Variants in KCNH1 observed in about 807,000 individuals in gnomAD.
KCNH1 encodes potassium voltage-gated channel subfamily H member 1.
KCNH1 carries 27 observed loss-of-function variants against 69.2 expected under a neutral mutation model. That is an observed-to-expected ratio of 0.39 (90% CI 0.29 to 0.54). KCNH1 has a LOEUF of 0.54. Ranked by LOEUF, KCNH1 falls within the 20% of genes least tolerant of loss-of-function variation. KCNH1 has a pLI of 0.68. For missense variants in KCNH1, 798 were observed against 1,261.6 expected, an observed-to-expected ratio of 0.63 and a Z score of 5.57; for synonymous variants, 456 against 487.7, an observed-to-expected ratio of 0.93 and a Z score of 0.86.
intron 5 of KCNH1, among the ~76,000 whole-genome samples, chr1:211,025,439 T>C (rs1382577982): frequency 6.6e-6 from 1 of 152,178 alleles, no homozygotes; most frequent in Non-Finnish European, 1.5e-5. Flanking sequence ...GCTTGAGATT[T>C]TAATTTCTCT....
At chr1:210,886,349 A>C (rs368865866) in intron 7 of KCNH1, among the ~76,000 whole-genome samples, 2 of 152,178 alleles carry the variant, frequency 1.3e-5, no homozygotes, top group South Asian at 4.1e-4. Context: ...AATGGCAACA[A>C]CACCAACAAA....
At chr1:211,101,305 C>A (rs1413393596) in intron 3 of KCNH1, among the ~76,000 whole-genome samples, 1 of 139,354 alleles carries the variant, frequency 7.2e-6, no homozygotes, top group Admixed American at 7.0e-5. Context: ...ATTGGAAAGA[C>A]AAAAAAACCA....
intron 6 of KCNH1, among the ~76,000 whole-genome samples, chr1:210,934,791 T>C (rs1460768512): frequency 1.3e-5 from 2 of 151,668 alleles, no homozygotes; most frequent in East Asian, 3.9e-4. Flanking sequence ...TAACAATTGC[T>C]AGTGAGGATG....
At chr1:210,828,664 G>A (rs1199044673) in intron 7 of KCNH1, among the ~76,000 whole-genome samples, 3 of 152,204 alleles carry the variant, frequency 2.0e-5, no homozygotes, top group Non-Finnish European at 4.4e-5. Context: ...TACCTGCCAT[G>A]TAGTAGGCAC....
chr1:211,118,690 A>G (rs1478466039), intron 1 of KCNH1, among the ~76,000 whole-genome samples: 2 of 152,226 alleles, frequency 1.3e-5, no homozygotes, highest in Non-Finnish European at 2.9e-5. Flanking sequence ...GCCAAACTAC[A>G]CTGCAGTAGT....
At chr1:210,818,444 T>G (rs1282681243) in intron 7 of KCNH1, among the ~76,000 whole-genome samples, 1 of 152,178 alleles carries the variant, frequency 6.6e-6, no homozygotes, top group Admixed American at 6.5e-5. Flanking sequence ...ATCAGAGCTT[T>G]GCAGTCACGC....
intron 5 of KCNH1, among the ~76,000 whole-genome samples, chr1:211,056,709 T>C (rs1690316268): frequency 6.6e-6 from 1 of 152,110 alleles, no homozygotes; most frequent in Non-Finnish European, 1.5e-5. Context: ...GACACTCCAT[T>C]GGTTTGGGAG....
At chr1:210,825,847 A>G (rs1311621095) in intron 7 of KCNH1, among the ~76,000 whole-genome samples, 1 of 152,218 alleles carries the variant, frequency 6.6e-6, no homozygotes, top group Non-Finnish European at 1.5e-5. Context: ...GGCATTTATT[A>G]TGAGGAACTG....
chr1:210,857,030 A>T (rs1193221608), intron 7 of KCNH1, among the ~76,000 whole-genome samples: 1 of 151,258 alleles, frequency 6.6e-6, no homozygotes, highest in Non-Finnish European at 1.5e-5. Context: ...TCTAGCTTAG[A>T]GCCTTTCTGG....
At chr1:210,768,977 T>A (rs565081517) in intron 10 of KCNH1, among the ~76,000 whole-genome samples, 2 of 152,280 alleles carry the variant, frequency 1.3e-5, no homozygotes, top group African/African-American at 4.8e-5. Context: ...AGAATTATGG[T>A]CATGTCACTC....
In KCNH1 at chr1:210,952,046, C is replaced by T. The variant is rs78439377; in HGVS notation, c.1033-31977G>A. On this transcript the variant is annotated intron_variant, in intron 6 of 10. Transcript: ENST00000271751. ...CAGTCCTCCAAGTGCCCACATCTTC[C>T]TGTGTGACATTTCTTCAGTCACCCA... Among the ~76,000 whole-genome samples, 1,230 of 152,250 alleles carry T rather than the reference C, an allele frequency of 8.1e-3. 19 individuals carry two copies. Among genetic ancestry groups the T allele is most frequent in the African/African-American group, 0.028 (1,145 of 41,524 alleles).
At chr1:210,960,860 T>C (rs1688279329) in intron 6 of KCNH1, among the ~76,000 whole-genome samples, 1 of 152,220 alleles carries the variant, frequency 6.6e-6, no homozygotes, top group Admixed American at 6.5e-5. Context: ...CTATTTTATG[T>C]TCCTACCAGA....
At chr1:210,800,276 T>C (rs1684402850) in intron 8 of KCNH1, among the ~76,000 whole-genome samples, 1 of 152,222 alleles carries the variant, frequency 6.6e-6, no homozygotes, top group African/African-American at 2.4e-5. Context: ...ACAAGACTCC[T>C]GCAGAAATGC....
Position 210,845,835 on chromosome 1 carries a change from G to A in KCNH1, c.1463-41669C>T, listed in dbSNP as rs1369172525. ...GATTGTATATCTAGAAAACCCCATC[G>A]TCTCAGCCCAAAATCTCCTCAAGCT... On this transcript the variant is annotated intron_variant, in intron 7 of 10. Coordinates refer to ENST00000271751, the MANE Select transcript of KCNH1 (RefSeq NM_172362.3). Among the ~76,000 whole-genome samples the A allele has an allele frequency of 8.0e-4, 119 of 148,552 alleles. 1 individual carries two copies. Among genetic ancestry groups the A allele is most frequent in the Non-Finnish European group, 3.9e-4 (26 of 66,612 alleles).
intron 3 of KCNH1, among the ~76,000 whole-genome samples, chr1:211,100,792 C>T (rs1691243584): frequency 6.6e-6 from 1 of 152,226 alleles, no homozygotes; most frequent in Non-Finnish European, 1.5e-5. Context: ...ACTACAGCTG[C>T]TTTCTGTCCT....
At chr1:211,037,087 T>C (rs1689913600) in intron 5 of KCNH1, among the ~76,000 whole-genome samples, 3 of 152,326 alleles carry the variant, frequency 2.0e-5, no homozygotes, top group Non-Finnish European at 4.4e-5. Flanking sequence ...ACCTATCACA[T>C]TTCTCTAGCA....
Position 210,679,921 on chromosome 1 carries a change from C to G in KCNH1, c.*3360G>C, listed in dbSNP as rs1415369060. On this transcript the variant is annotated 3_prime_UTR_variant, in exon 11 of 11. Transcript: ENST00000271751. ...AGCATTAATGTTGTAACCTTATTAGCATAATGTAGCATTGCATTAATGCAA... is the reference window on the plus strand; with the variant it reads ...AGCATTAATGTTGTAACCTTATTAGGATAATGTAGCATTGCATTAATGCAA... The G allele has an allele frequency of 6.7e-6, 1 of 150,044 alleles. No individual in the cohort carries two copies. The highest frequency in any genetic ancestry group is 1.5e-5 in the Non-Finnish European group (1 of 67,404). 9.3% of individuals were successfully genotyped at this position (150,044 alleles called of 1,614,324 possible).
chr1:211,070,936 G>A (rs770911494), intron 5 of KCNH1, among the ~76,000 whole-genome samples: 1 of 152,006 alleles, frequency 6.6e-6, no homozygotes, highest in Non-Finnish European at 1.5e-5. Context: ...CCCCCACACA[G>A]TCAAATCTAC....
intron 9 of KCNH1, 43 bp from the exon 10 acceptor site, chr1:210,775,587 AG>A (rs1401400212): frequency 6.7e-7 from 1 of 1,501,770 alleles, no homozygotes; most frequent in African/African-American, 1.4e-5. Flanking sequence ...TGGCCAGGAG[AG>A]GTCTGCCCAT....
Sources: allele counts gnomAD v4.1 joint callset (sites outside exome capture counted in the v4.1 genomes callset), GRCh38; gene constraint gnomAD v4.1.1; transcripts MANE v1.5; gene names NCBI Gene and HGNC (gene_info 2026-07-23, HGNC 2026-07-21).